VPS8: variants seen among roughly 807,000 people sequenced by gnomAD.
VPS8 encodes VPS8 subunit of CORVET complex.
VPS8 carries 129 observed loss-of-function variants against 216.4 expected under a neutral mutation model. That is an observed-to-expected ratio of 0.60 (90% CI 0.52 to 0.69). The LOEUF (loss-of-function observed/expected upper bound fraction) is 0.69, where lower values mean the gene tolerates loss of function less well. Among genes scored for constraint, VPS8 ranks in the 30% least tolerant of loss-of-function variants. VPS8 has a pLI of 0.00. For missense variants in VPS8, 1,531 were observed against 1,683.5 expected (o/e 0.91, Z 1.59); for synonymous variants, 571 against 565.4 (o/e 1.01, Z -0.14).
At chr3:184,889,824 A>G (rs184614446) in intron 22 of VPS8, among the ~76,000 whole-genome samples, 80 of 152,234 alleles carry the variant, frequency 5.3e-4, no homozygotes, top group African/African-American at 1.9e-3. Flanking sequence ...CAGAATGTTA[A>G]GATTCTTCTA....
chr3:184,855,678 G>A (rs945453769), intron 13 of VPS8, 33 bp from the exon 14 acceptor site: 1 of 1,512,038 alleles, frequency 6.6e-7, no homozygotes, highest in East Asian at 2.3e-5. Context: ...TTTATTAACT[G>A]TGATGATTTT....
chr3:185,015,274 G>A (rs1161047245), intron 45 of VPS8, among the ~76,000 whole-genome samples: 2 of 152,202 alleles, frequency 1.3e-5, no homozygotes, highest in Non-Finnish European at 2.9e-5. Flanking sequence ...GAAGAAAGAG[G>A]TGTATGAGCC....
chr3:184,885,514 A>G (rs1048630724), intron 21 of VPS8, among the ~76,000 whole-genome samples: 4 of 152,360 alleles, frequency 2.6e-5, no homozygotes, highest in Admixed American at 6.5e-5. Flanking sequence ...CAACGTTACA[A>G]TAGCAGGTTT....
intron 46 of VPS8, among the ~76,000 whole-genome samples, chr3:185,029,120 C>T (rs1477537628): frequency 6.6e-6 from 1 of 152,188 alleles, no homozygotes; most frequent in African/African-American, 2.4e-5. Flanking sequence ...CTAATTATTA[C>T]TTCCTTAGTT....
intron 46 of VPS8, among the ~76,000 whole-genome samples, chr3:185,046,109 A>C (rs921594154): frequency 6.6e-6 from 1 of 152,248 alleles, no homozygotes; most frequent in African/African-American, 2.4e-5. Context: ...GACAGCAGCA[A>C]ATGCATTTTT....
intron 3 of VPS8, among the ~76,000 whole-genome samples, 170 bp from the exon 4 acceptor site, chr3:184,832,519 T>C (rs73188820): frequency 3.3e-5 from 5 of 152,338 alleles, no homozygotes; most frequent in Non-Finnish European, 7.3e-5. Context: ...CTGTCTAGAA[T>C]TTAATACTAG....
At chr3:184,883,677 A>G (rs1290794473) in intron 21 of VPS8, among the ~76,000 whole-genome samples, 1 of 152,018 alleles carries the variant, frequency 6.6e-6, no homozygotes, top group Non-Finnish European at 1.5e-5. Flanking sequence ...TTGGTTTTTC[A>G]GATGCCCCCA....
chr3:184,965,557 T>C (rs898117417), intron 38 of VPS8, among the ~76,000 whole-genome samples: 1 of 152,172 alleles, frequency 6.6e-6, no homozygotes, highest in Admixed American at 6.5e-5. Context: ...GTGTAATATA[T>C]AGGCAGGTCA....
intron 15 of VPS8, among the ~76,000 whole-genome samples, chr3:184,862,155 G>A (rs1577953672): frequency 6.6e-6 from 1 of 152,298 alleles, no homozygotes; most frequent in East Asian, 1.9e-4. Context: ...ATAAAGGGCA[G>A]GGGACGCACT....
At chr3:184,909,573 C>T (rs560179596) in intron 25 of VPS8, among the ~76,000 whole-genome samples, 2 of 152,186 alleles carry the variant, frequency 1.3e-5, no homozygotes, top group South Asian at 2.1e-4. Context: ...TTATTTTCAA[C>T]AGTTATATTT....
chr3:184,863,021 G>C lies in VPS8; in HGVS notation c.1349G>C (p.Ser450Thr). Residue 450 changes from serine to threonine, a missense_variant, in exon 16 of 48, where the codon AGC (serine) becomes ACC (threonine). By Grantham distance (58) the Ser-to-Thr change is moderately conservative (BLOSUM62 1). Around this residue, in one of 3 missense-constraint regions of VPS8, gnomAD observed 1,318 missense variants for 1,468.4 expected, o/e 0.90. Coordinates refer to ENST00000625842, the MANE Select transcript of VPS8 (RefSeq NM_001009921.3). ...GAAGTTCAGCTGGTCTACAATAGCA[G>C]CCATTTCAAATCACTAGCCACTGGA... ...ISEVQLVYNS[S>T]HFKSLATGGN... The C allele has an allele frequency of 6.2e-7, 1 of 1,613,904 alleles. No individual in the cohort carries two copies. Among genetic ancestry groups the C allele is most frequent in the Non-Finnish European group, 8.5e-7 (1 of 1,179,798 alleles).
intron 46 of VPS8, among the ~76,000 whole-genome samples, chr3:185,025,514 C>G (rs1281983087): frequency 6.6e-6 from 1 of 152,150 alleles, no homozygotes; most frequent in East Asian, 1.9e-4. Context: ...TCCCCTGAGA[C>G]TTTTTCAGAA....
chr3:185,007,235 C>A (rs4586788), intron 45 of VPS8, among the ~76,000 whole-genome samples: 151,960 of 152,342 alleles, frequency 1, 75,791 homozygotes, highest in Non-Finnish European at 1. Flanking sequence ...GGCCTTGTAA[C>A]TCTATCTGAT....
At chr3:184,994,203 T>C (rs950455901) in intron 43 of VPS8, 140 bp downstream of exon 43, 3 of 575,426 alleles carry the variant, frequency 5.2e-6, no homozygotes, top group Non-Finnish European at 5.8e-6. Context: ...TGTGTGTATT[T>C]CTTTTAGTTT....
chr3:184,900,996 T>G lies in VPS8; in HGVS notation c.2146+24T>G, dbSNP rs369251159. The G allele has an allele frequency of 6.9e-6, 11 of 1,599,700 alleles. No homozygotes were observed. In the East Asian group the frequency reaches 1.3e-4, roughly 20 times the overall value. On this transcript the variant is annotated intron_variant, in intron 25 of 47. Coordinates refer to ENST00000625842, the MANE Select transcript of VPS8 (RefSeq NM_001009921.3). ...AGGTATTTATTTTCTAAGCCTTAAT[T>G]TTTTGCTTTCCTGTATTTAAGGTAT...
At chr3:184,991,058 C>T (rs943844772) in intron 42 of VPS8, among the ~76,000 whole-genome samples, 1 of 152,106 alleles carries the variant, frequency 6.6e-6, no homozygotes, top group Non-Finnish European at 1.5e-5. Context: ...ATTACTTTCT[C>T]ACTGAGGAAA....
intron 10 of VPS8, among the ~76,000 whole-genome samples, chr3:184,851,611 A>C (rs1250975950): frequency 1.3e-5 from 2 of 152,164 alleles, no homozygotes; most frequent in Admixed American, 6.6e-5. Flanking sequence ...CATGTCATGC[A>C]CACACCTAGG....
intron 42 of VPS8, among the ~76,000 whole-genome samples, chr3:184,984,194 A>AAAAAAAAAAAAAAAACTCACCAAG: frequency 0.034 from 1,591 of 46,424 alleles, 676 homozygotes; most frequent in Middle Eastern, 0.062. Flanking sequence ...AAAAAAAAAA[A>AAAAAAAAAAAAAAAACTCACCAAG]CTCTACTTCC....
chr3:184,995,204 T>G (rs1265756363), intron 43 of VPS8, among the ~76,000 whole-genome samples: 2 of 152,214 alleles, frequency 1.3e-5, no homozygotes, highest in Non-Finnish European at 2.9e-5. Context: ...CGGGCTTTTT[T>G]CTTAGCGTAC....
Sources: allele counts gnomAD v4.1 joint callset (sites outside exome capture counted in the v4.1 genomes callset), GRCh38; gene constraint gnomAD v4.1.1; regional missense constraint gnomAD v4.1.1; transcripts MANE v1.5; gene names NCBI Gene and HGNC (gene_info 2026-07-23, HGNC 2026-07-21).